GATAD2A: variants seen among roughly 807,000 people sequenced by gnomAD.
GATAD2A encodes GATA zinc finger domain containing 2A.
A neutral mutation model predicts 68.5 loss-of-function variants in GATAD2A; 12 were observed. That is an observed-to-expected ratio of 0.18 (90% confidence interval 0.11 to 0.28). The LOEUF (loss-of-function observed/expected upper bound fraction) is 0.28, where lower values mean the gene tolerates loss of function less well. Ranked by LOEUF, GATAD2A falls within the 10% of genes least tolerant of loss-of-function variation. The probability of loss-of-function intolerance (pLI) is 1.00; values close to 1 mark genes in which losing one functional copy is unlikely to be tolerated. For synonymous variants in GATAD2A, 410 were observed against 375.3 expected, an observed-to-expected ratio of 1.09 and a Z score of -1.07; for missense variants, 755 against 868.5, an observed-to-expected ratio of 0.87 and a Z score of 1.64.
intron 1 of GATAD2A, among the ~76,000 whole-genome samples, chr19:19,415,651 C>G (rs2051527120): frequency 7.1e-6 from 1 of 140,416 alleles, no homozygotes; most frequent in Non-Finnish European, 1.5e-5. Context: ...GACAGTCTCA[C>G]TTTGTCACCA....
At chr19:19,468,333 G>T (rs1001604872) in intron 2 of GATAD2A, among the ~76,000 whole-genome samples, 2 of 152,246 alleles carry the variant, frequency 1.3e-5, no homozygotes, top group African/African-American at 2.4e-5. Flanking sequence ...GAGAGTGACA[G>T]TCTTGGAGAT....
chr19:19,430,229 C>T (rs2053578581), intron 1 of GATAD2A, among the ~76,000 whole-genome samples: 2 of 152,150 alleles, frequency 1.3e-5, no homozygotes, highest in Non-Finnish European at 2.9e-5. Flanking sequence ...GATCTGTGGC[C>T]CCTGCTAATT....
rs1323784823 is a variant in GATAD2A at position 19,507,264 on chromosome 19, AAAAATC to A, written c.*1793_*1798del. On this transcript the variant is annotated 3_prime_UTR_variant, in exon 12 of 12. Coordinates refer to ENST00000683918, the MANE Select transcript of GATAD2A (RefSeq NM_001384528.1). ...TGTTTTTTACACCAAAAAAAAAAAA[AAAAATC>A]AAGAGTATGCAAGCATTTCTATTCC... 2 of 151,818 alleles carry A rather than the reference AAAAATC, an allele frequency of 1.3e-5. No individual in the cohort carries two copies. The highest frequency in any genetic ancestry group is 4.8e-5 in the African/African-American group (2 of 41,404). 9.4% of individuals were successfully genotyped at this position (151,818 alleles called of 1,614,324 possible).
intron 1 of GATAD2A, among the ~76,000 whole-genome samples, chr19:19,461,717 G>A (rs1050989684): frequency 1.3e-5 from 2 of 152,232 alleles, no homozygotes; most frequent in Non-Finnish European, 2.9e-5. Flanking sequence ...ACGTATCAGA[G>A]GAGACCGATG....
chr19:19,506,336 G>T lies in GATAD2A; in HGVS notation c.*862G>T, dbSNP rs2060865621. 5.0e-6 allele frequency: 2 copies of T among 397,314 alleles called. No individual in the cohort carries two copies. Among genetic ancestry groups the T allele is most frequent in the South Asian group, 1.4e-4 (1 of 7,024 alleles). 24.6% of individuals were successfully genotyped at this position (397,314 alleles called of 1,614,324 possible). ...GAAGGAGAGGATCCGGTCGGCAGCA[G>T]CCCTGAGCAGAAAGCTGGAGGGGGG... On this transcript the variant is annotated 3_prime_UTR_variant, in exon 12 of 12. Transcript: ENST00000683918.
chr19:19,406,775 ATGG>A (rs2050326992), intron 1 of GATAD2A, among the ~76,000 whole-genome samples: 1 of 152,206 alleles, frequency 6.6e-6, no homozygotes, highest in Admixed American at 6.5e-5. Flanking sequence ...GGAAAGGCTT[ATGG>A]GCAGGGCCCA....
intron 1 of GATAD2A, among the ~76,000 whole-genome samples, chr19:19,406,759 C>A (rs1337207494): frequency 6.6e-6 from 1 of 152,186 alleles, no homozygotes; most frequent in Non-Finnish European, 1.5e-5. Context: ...TTGATCACTT[C>A]AACAAGGAAA....
At chr19:19,417,175 C>T (rs2051752197) in intron 1 of GATAD2A, among the ~76,000 whole-genome samples, 1 of 152,214 alleles carries the variant, frequency 6.6e-6, no homozygotes, top group South Asian at 2.1e-4. Context: ...AGTGAAGTGA[C>T]TGGTGTAGGA....
chr19:19,470,152 T>C (rs7256550), intron 2 of GATAD2A, among the ~76,000 whole-genome samples: 3,263 of 137,086 alleles, frequency 0.024, 120 homozygotes, highest in African/African-American at 0.087. Context: ...TATTTTTTTT[T>C]TTGTTTTTTT....
chr19:19,486,153 G>A (rs1398610093), intron 2 of GATAD2A, among the ~76,000 whole-genome samples: 1 of 152,238 alleles, frequency 6.6e-6, no homozygotes, highest in African/African-American at 2.4e-5. Context: ...ATGTTCAGGT[G>A]TCACATTTCA....
intron 2 of GATAD2A, among the ~76,000 whole-genome samples, chr19:19,474,857 GT>G (rs1481795202): frequency 6.6e-6 from 1 of 152,182 alleles, no homozygotes; most frequent in Non-Finnish European, 1.5e-5. Context: ...AGTCTTTATA[GT>G]TTTAGCCACT....
Position 19,501,624 on chromosome 19 carries a change from G to A in GATAD2A, c.1503+208G>A, listed in dbSNP as rs183788888. Among the ~76,000 whole-genome samples, 12 of 152,354 alleles carry A rather than the reference G, an allele frequency of 7.9e-5. No individual in the cohort carries two copies. The East Asian group carries it at 1.7e-3, about 22-fold the overall frequency. On this transcript the variant is annotated intron_variant, in intron 9 of 11. Coordinates refer to ENST00000683918, the MANE Select transcript of GATAD2A (RefSeq NM_001384528.1). Reference sequence around the variant, plus strand: ...GGCTGCCGGCTGACAAGTACTGCTTGTCTTCAAGGTCTTTTCTGAAAGCCA... The same window carrying A: ...GGCTGCCGGCTGACAAGTACTGCTTATCTTCAAGGTCTTTTCTGAAAGCCA...
At chr19:19,501,787 C>G (rs749143777) in intron 9 of GATAD2A, among the ~76,000 whole-genome samples, 182 bp from the exon 10 acceptor site, 1 of 152,186 alleles carries the variant, frequency 6.6e-6, no homozygotes, top group Non-Finnish European at 1.5e-5. Flanking sequence ...ACTCGAAGCT[C>G]CCTTTTGGCA....
At position 19,501,384 on chromosome 19, in the gene GATAD2A, C is replaced by A; in HGVS notation, c.1471C>A (p.Pro491Thr). ...GTAPAQAKAEPTAAPHPVLKQ... is the reference protein window; with the variant it reads ...GTAPAQAKAETTAAPHPVLKQ... ...GGCCCCTGCACAGGCCAAGGCCGAG[C>A]CCACCGCTGCCCCACACCCCGTGCT... is the stretch of plus-strand genomic sequence containing the variant. Residue 491 changes from proline (P) to threonine (T), a missense_variant, in exon 9 of 12, where the codon CCC becomes ACC. By Grantham distance (38) the Pro-to-Thr change is conservative. Transcript: ENST00000683918. 4.4e-6 allele frequency: 7 copies of A among 1,605,562 alleles called. No homozygotes were observed. Among genetic ancestry groups the A allele is most frequent in the Non-Finnish European group, 5.9e-6 (7 of 1,176,824 alleles).
chr19:19,451,786 G>A (rs1440007192), intron 1 of GATAD2A, among the ~76,000 whole-genome samples: 2 of 152,214 alleles, frequency 1.3e-5, no homozygotes, highest in African/African-American at 4.8e-5. Flanking sequence ...CTGTGTGGAC[G>A]CTGATTGCTC....
At chr19:19,471,816 A>G (rs904978567) in intron 2 of GATAD2A, among the ~76,000 whole-genome samples, 3 of 152,262 alleles carry the variant, frequency 2.0e-5, no homozygotes, top group Non-Finnish European at 1.5e-5. Context: ...AGGCCAATCC[A>G]AAGGTCGTGG....
chr19:19,440,220 A>G (rs757068147), intron 1 of GATAD2A: 4 of 298,534 alleles, frequency 1.3e-5, no homozygotes, highest in African/African-American at 2.3e-5. Context: ...ATCTAAGGAA[A>G]GGTGGGGGGA....
At chr19:19,455,732 TC>T (rs1187350332) in intron 1 of GATAD2A, among the ~76,000 whole-genome samples, 1 of 152,142 alleles carries the variant, frequency 6.6e-6, no homozygotes, top group Non-Finnish European at 1.5e-5. Flanking sequence ...TCCCGGGAGT[TC>T]CTGGAAATAA....
intron 1 of GATAD2A, among the ~76,000 whole-genome samples, chr19:19,418,685 T>C (rs1226308917): frequency 6.6e-6 from 1 of 152,188 alleles, no homozygotes. Context: ...ACATGAATTA[T>C]TCTAACAGCT....
Sources: gnomAD v4.1 joint callset for allele counts (sites outside exome capture counted in the v4.1 genomes callset) on GRCh38, gnomAD v4.1.1 for gene constraint, MANE v1.5 for transcripts, NCBI Gene and HGNC (gene_info 2026-07-23, HGNC 2026-07-21) for gene names.